Variants in WTAP observed in about 807,000 individuals in gnomAD.
WTAP encodes WT1 associated protein.
In WTAP, 8 loss-of-function variants were observed where a neutral mutation model predicts 50.0. The observed-to-expected ratio is 0.16, with a 90% CI of 0.09 to 0.29. The LOEUF (loss-of-function observed/expected upper bound fraction) is 0.29. Among genes scored for constraint, WTAP ranks in the 10% least tolerant of loss-of-function variants. The pLI is 1.00. For missense variants in WTAP, 295 were observed against 470.7 expected (o/e 0.63, Z 3.45); for synonymous variants, 194 against 169.0 (o/e 1.15, Z -1.15).
At chr6:159,744,694 C>A (rs1382233677) in intron 5 of WTAP, among the ~76,000 whole-genome samples, 1 of 152,120 alleles carries the variant, frequency 6.6e-6, no homozygotes, top group Non-Finnish European at 1.5e-5. Flanking sequence ...TGGCTTTTAT[C>A]ATTTTCTTTA....
chr6:159,726,904 C>T (rs1210523911), upstream of WTAP: 4 of 1,288,924 alleles, frequency 3.1e-6, no homozygotes, highest in Non-Finnish European at 3.0e-6. Context: ...CACGGCCTCT[C>T]TCTTGAGGTG....
At chr6:159,734,153 C>A (rs1387189246) in intron 1 of WTAP, among the ~76,000 whole-genome samples, 1 of 151,966 alleles carries the variant, frequency 6.6e-6, no homozygotes, top group Non-Finnish European at 1.5e-5. Context: ...TGGGAGAAAT[C>A]AAGTAGTCTT....
At position 159,738,980 on chromosome 6, in the gene WTAP, C is replaced by G; in HGVS notation, c.31-10C>G. On this transcript the variant is annotated splice_polypyrimidine_tract_variant and intron_variant, in intron 2 of 7. Coordinates refer to ENST00000621533, the MANE Select transcript of WTAP (RefSeq NM_001270531.2). ...AGAACACTAAATTCATATTGTAATT[C>G]TCTTTATAGGTTCGATTGAGTGAAA... 6.2e-7 allele frequency: 1 copy of G among 1,603,510 alleles called. No individual in the cohort carries two copies. Among genetic ancestry groups the G allele is most frequent in the East Asian group, 2.2e-5 (1 of 44,550 alleles).
At chr6:159,727,729 C>G in intron 1 of WTAP, 26 bp downstream of exon 1, 1 of 985,354 alleles carries the variant, frequency 1.0e-6, no homozygotes, top group Non-Finnish European at 1.2e-6. Flanking sequence ...CTGGCGGGAG[C>G]GGACGCGGGG....
chr6:159,727,747 G>A, intron 1 of WTAP, 44 bp downstream of exon 1: 1 of 983,910 alleles, frequency 1.0e-6, no homozygotes, highest in Non-Finnish European at 1.2e-6. Flanking sequence ...GGGGACCTCC[G>A]GGGCCTGAGG....
At chr6:159,727,149 GC>G, upstream of WTAP, 1 of 1,195,526 alleles carries the variant, frequency 8.4e-7, no homozygotes, top group Non-Finnish European at 1.1e-6. Context: ...GAGCTCCGGG[GC>G]CCGCGGAGCT....
chr6:159,737,241 G>GT (rs1176979471), intron 2 of WTAP, among the ~76,000 whole-genome samples: 1 of 152,098 alleles, frequency 6.6e-6, no homozygotes, highest in Non-Finnish European at 1.5e-5. Flanking sequence ...TAGAGATGGG[G>GT]TTTTACCATG....
At chr6:159,742,522 A>G (rs987075930) in intron 4 of WTAP, among the ~76,000 whole-genome samples, 1 of 152,198 alleles carries the variant, frequency 6.6e-6, no homozygotes, top group Non-Finnish European at 1.5e-5. Context: ...GCAACCAGTA[A>G]CAGATTTATG....
At chr6:159,745,723 G>A (rs1779536260) in intron 5 of WTAP, among the ~76,000 whole-genome samples, 1 of 152,136 alleles carries the variant, frequency 6.6e-6, no homozygotes, top group Non-Finnish European at 1.5e-5. Context: ...TTACATTTTA[G>A]GTAGATCACT....
Position 159,755,741 on chromosome 6 carries a change from TTTTC to T in WTAP, c.*134_*137del, listed in dbSNP as rs1226706987. The T allele has an allele frequency of 2.0e-5, 24 of 1,199,732 alleles. No individual in the cohort carries two copies. Among genetic ancestry groups the T allele is most frequent in the South Asian group, 3.4e-5 (1 of 29,150 alleles). The allele number at this position is 1,199,732 out of a possible 1,614,324, so 74.3% of individuals were successfully genotyped here. A position where few individuals can be genotyped will look rare whatever the true frequency, so the allele number is the denominator to read the frequency against. ...CGTTTTGGTTTTTTTTTGTTGTTTTTTTTCTTTGTTTTTTTTTTCTTTTCTTTTT... is the reference window on the plus strand; with the variant it reads ...CGTTTTGGTTTTTTTTTGTTGTTTTTTTTGTTTTTTTTTTCTTTTCTTTTT... On this transcript the variant is annotated 3_prime_UTR_variant, in exon 8 of 8. Coordinates refer to ENST00000621533, the MANE Select transcript of WTAP (RefSeq NM_001270531.2).
At chr6:159,733,007 A>G (rs1049899216) in intron 1 of WTAP, among the ~76,000 whole-genome samples, 1 of 151,974 alleles carries the variant, frequency 6.6e-6, no homozygotes, top group African/African-American at 2.4e-5. Flanking sequence ...AGCCTAATGC[A>G]TGTGTCATGC....
At chr6:159,738,864 T>G in intron 2 of WTAP, 126 bp from the exon 3 acceptor site, 1 of 605,340 alleles carries the variant, frequency 1.7e-6, no homozygotes, top group Non-Finnish European at 2.7e-6. Flanking sequence ...AAAATACTTT[T>G]TCAAAAAATC....
At chr6:159,754,160 A>G (rs76277986) in intron 7 of WTAP, among the ~76,000 whole-genome samples, 3,038 of 152,316 alleles carry the variant, frequency 0.02, 112 homozygotes, top group African/African-American at 0.069. Flanking sequence ...AATAAGGAAA[A>G]TATCCAAATT....
chr6:159,749,139 C>T, intron 6 of WTAP: 1 of 986,050 alleles, frequency 1.0e-6, no homozygotes, highest in South Asian at 4.7e-5. Flanking sequence ...GATAATCTTA[C>T]TGAGGACTGT....
rs1778264347 is a variant in WTAP, at chr6:159,727,549, GGGAGCGCAGGGGTTGCGGCGGGACTA to G, written c.-155_-130del. The G allele has an allele frequency of 5.1e-6, 5 of 989,074 alleles. No individual in the cohort carries two copies. The South Asian group carries it at 1.8e-4, about 36-fold the overall frequency. 61.3% of individuals were successfully genotyped at this position (989,074 alleles called of 1,614,324 possible). A position where few individuals can be genotyped will look rare whatever the true frequency, so the allele number is the denominator to read the frequency against. On this transcript the variant is annotated 5_prime_UTR_variant, in exon 1 of 8. Coordinates refer to ENST00000621533, the MANE Select transcript of WTAP (RefSeq NM_001270531.2). The stretch of plus-strand genomic sequence containing the variant: ...GTGGCAGCGAGACCCACAAATAAAG[GGGAGCGCAGGGGTTGCGGCGGGACTA>G]GGAGCGCGGCGGGGCCGGCGGCAGA...
chr6:159,732,008 A>G (rs1211424273), intron 1 of WTAP, among the ~76,000 whole-genome samples: 1 of 152,214 alleles, frequency 6.6e-6, no homozygotes, highest in Non-Finnish European at 1.5e-5. Context: ...GGAAAGTATC[A>G]GGTTGTAGAA....
At chr6:159,751,155 A>C (rs1779805700) in intron 6 of WTAP, among the ~76,000 whole-genome samples, 1 of 152,164 alleles carries the variant, frequency 6.6e-6, no homozygotes, top group South Asian at 2.1e-4. Context: ...TAATTAAATT[A>C]TTTTTTCAAA....
intron 4 of WTAP, among the ~76,000 whole-genome samples, chr6:159,742,422 T>G (rs560455130): frequency 1.3e-5 from 2 of 152,192 alleles, no homozygotes; most frequent in East Asian, 1.9e-4. Flanking sequence ...TCAGAACTAC[T>G]TGAAACTTTT....
intron 5 of WTAP, 66 bp downstream of exon 5, chr6:159,743,858 T>C (rs1779405564): frequency 9.6e-6 from 14 of 1,465,748 alleles, no homozygotes; most frequent in Non-Finnish European, 1.2e-5. Context: ...CATTATTACA[T>C]GTTAATTTTA....
Sources: gnomAD v4.1 joint callset for allele counts (sites outside exome capture counted in the v4.1 genomes callset) on GRCh38, gnomAD v4.1.1 for gene constraint, MANE v1.5 for transcripts, NCBI Gene and HGNC (gene_info 2026-07-23, HGNC 2026-07-21) for gene names.